MAGI2: variants seen among roughly 807,000 people sequenced by gnomAD.
The protein encoded by MAGI2 is membrane-associated guanylate kinase, WW and PDZ domain-containing protein 2.
MAGI2 carries 35 observed loss-of-function variants against 133.3 expected under a neutral mutation model. The ratio of observed to expected loss-of-function variants is 0.26; its 90% CI spans 0.20 to 0.35. MAGI2 has a LOEUF of 0.35. Ranked by LOEUF, MAGI2 falls within the 10% of genes least tolerant of loss-of-function variation. The probability of loss-of-function intolerance (pLI) is 1.00; values close to 1 mark genes in which losing one functional copy is unlikely to be tolerated. For synonymous variants in MAGI2, 729 were observed against 710.6 expected (o/e 1.03, Z -0.41); for missense variants, 1,636 against 1,863.4 (o/e 0.88, Z 2.25).
intron 1 of MAGI2, among the ~76,000 whole-genome samples, chr7:79,212,610 T>C (rs1483596337): frequency 1.3e-5 from 2 of 152,074 alleles, no homozygotes; most frequent in Non-Finnish European, 2.9e-5. Flanking sequence ...GCAGTAAAAC[T>C]GTAACTGGGA....
At chr7:78,758,911 T>G (rs950072134) in intron 2 of MAGI2, among the ~76,000 whole-genome samples, 4 of 152,212 alleles carry the variant, frequency 2.6e-5, no homozygotes, top group African/African-American at 9.6e-5. Flanking sequence ...TGGTAGTTAA[T>G]CTGTCACATT....
chr7:78,328,532 C>CCCT (rs1554346587), intron 9 of MAGI2, among the ~76,000 whole-genome samples: 99 of 133,676 alleles, frequency 7.4e-4, no homozygotes, highest in Middle Eastern at 3.9e-3. Flanking sequence ...CACACACACC[C>CCCT]CTCTCTCTCT....
intron 2 of MAGI2, among the ~76,000 whole-genome samples, chr7:78,668,765 A>T (rs1339577637): frequency 1.3e-5 from 2 of 151,592 alleles, no homozygotes; most frequent in African/African-American, 2.4e-5. Context: ...GGATTAAGAA[A>T]CTCACTCAAA....
chr7:78,485,460 A>C (rs910530599), intron 6 of MAGI2: 1 of 151,718 alleles, frequency 6.6e-6, no homozygotes, highest in Non-Finnish European at 1.5e-5. Flanking sequence ...AAAAGGCAAA[A>C]TGATTGCTTT....
intron 2 of MAGI2, among the ~76,000 whole-genome samples, chr7:78,633,674 C>G (rs1472842068): frequency 6.9e-6 from 1 of 145,910 alleles, no homozygotes; most frequent in Non-Finnish European, 1.5e-5. Context: ...CCACTGCACT[C>G]CAGCCTGGGC....
intron 3 of MAGI2, among the ~76,000 whole-genome samples, chr7:78,576,411 G>A (rs1802270372): frequency 6.6e-6 from 1 of 152,166 alleles, no homozygotes; most frequent in Non-Finnish European, 1.5e-5. Context: ...AGGTCTCTCT[G>A]ATTGCCTCTG....
intron 1 of MAGI2, among the ~76,000 whole-genome samples, chr7:79,010,276 A>G (rs543015309): frequency 8.3e-4 from 127 of 152,190 alleles, no homozygotes; most frequent in African/African-American, 2.9e-3. Flanking sequence ...GTATGTATGT[A>G]TGTATATATA....
chr7:78,869,012 C>A lies in MAGI2; in HGVS notation c.418+138078G>T, dbSNP rs952759727. Reference sequence around the variant, plus strand: ...TTGTGATCCGCCCGCCTCGGCCTCCCAAAGTGCTAGGATTACAGGCGTGAG... The same window carrying A: ...TTGTGATCCGCCCGCCTCGGCCTCCAAAAGTGCTAGGATTACAGGCGTGAG... On this transcript the variant is annotated intron_variant, in intron 2 of 21. Coordinates refer to ENST00000354212, the MANE Select transcript of MAGI2 (RefSeq NM_012301.4). Among the ~76,000 whole-genome samples, 4 of 152,188 alleles carry A rather than the reference C, an allele frequency of 2.6e-5. 1 individual carries two copies. The highest frequency in any genetic ancestry group is 1.3e-4 in the Admixed American group (2 of 15,278).
intron 1 of MAGI2, among the ~76,000 whole-genome samples, chr7:79,361,449 C>G (rs548553628): frequency 6.6e-6 from 1 of 152,176 alleles, no homozygotes; most frequent in Non-Finnish European, 1.5e-5. Context: ...TGCCTTCATG[C>G]CCAAATATCG....
At chr7:78,796,518 T>G (rs1787627220) in intron 2 of MAGI2, among the ~76,000 whole-genome samples, 1 of 152,160 alleles carries the variant, frequency 6.6e-6, no homozygotes, top group Admixed American at 6.5e-5. Context: ...GAAAGGAGGA[T>G]GCTCATACAC....
At chr7:79,448,631 C>T (rs984611848) in intron 1 of MAGI2, among the ~76,000 whole-genome samples, 3 of 152,064 alleles carry the variant, frequency 2.0e-5, no homozygotes, top group Admixed American at 6.5e-5. Flanking sequence ...GAGACTGTAC[C>T]TTTAACCATT....
chr7:78,941,204 G>A (rs536153813), intron 2 of MAGI2, among the ~76,000 whole-genome samples: 7 of 152,220 alleles, frequency 4.6e-5, no homozygotes, highest in Admixed American at 2.6e-4. Context: ...CCTTCAGTCC[G>A]TGAAATTTAG....
chr7:79,395,511 C>T (rs1226550025), intron 1 of MAGI2, among the ~76,000 whole-genome samples: 2 of 152,138 alleles, frequency 1.3e-5, no homozygotes, highest in African/African-American at 2.4e-5. Flanking sequence ...TTTGACTTCT[C>T]CACATCTTCC....
At chr7:78,685,439 C>T (rs1436989992) in intron 2 of MAGI2, among the ~76,000 whole-genome samples, 1 of 148,256 alleles carries the variant, frequency 6.7e-6, no homozygotes, top group East Asian at 2.0e-4. Context: ...TTTTGTTTCT[C>T]TACACTCCCT....
At chr7:78,857,285 C>A (rs1246812800) in intron 2 of MAGI2, among the ~76,000 whole-genome samples, 1 of 152,084 alleles carries the variant, frequency 6.6e-6, no homozygotes, top group Non-Finnish European at 1.5e-5. Context: ...ACTTCCAACA[C>A]TATGTTGAAT....
chr7:78,564,182 A>G (rs2150746615), intron 3 of MAGI2, among the ~76,000 whole-genome samples: 1 of 152,314 alleles, frequency 6.6e-6, no homozygotes, highest in Admixed American at 6.5e-5. Flanking sequence ...CAACTGCCTC[A>G]TAATCTGACT....
intron 1 of MAGI2, among the ~76,000 whole-genome samples, chr7:79,433,955 C>T (rs576857586): frequency 9.9e-5 from 15 of 152,196 alleles, no homozygotes; most frequent in Non-Finnish European, 1.9e-4. Flanking sequence ...GACAATCTAA[C>T]GGTGTTTTTT....
At chr7:78,511,692 C>A (rs1444869863) in intron 4 of MAGI2, among the ~76,000 whole-genome samples, 9 of 150,616 alleles carry the variant, frequency 6.0e-5, no homozygotes, top group Non-Finnish European at 1.0e-4. Context: ...ATCTTTGTGA[C>A]CCTTCAGAGA....
intron 1 of MAGI2, among the ~76,000 whole-genome samples, chr7:79,358,055 A>T (rs1842141265): frequency 6.6e-6 from 1 of 152,250 alleles, no homozygotes; most frequent in South Asian, 2.1e-4. Context: ...TGAAATCAAC[A>T]TATTAATATT....
Sources: allele counts gnomAD v4.1 joint callset (sites outside exome capture counted in the v4.1 genomes callset), GRCh38; gene constraint gnomAD v4.1.1; transcripts MANE v1.5; gene names NCBI Gene and HGNC (gene_info 2026-07-23, HGNC 2026-07-21).